The following SIM1 variants were observed in gnomAD, a reference collection of about 807,000 sequenced individuals.
SIM1 encodes single-minded homolog 1.
Under a neutral mutation model 78.2 loss-of-function variants are expected in SIM1, and 18 were observed. That is an observed-to-expected ratio of 0.23 (90% CI 0.16 to 0.34). The LOEUF is 0.34. Among genes scored for constraint, SIM1 ranks in the 10% least tolerant of loss-of-function variants. SIM1 has a pLI of 1.00. For missense variants in SIM1, 939 were observed against 975.1 expected (o/e 0.96, Z 0.49); for synonymous variants, 417 against 385.2 (o/e 1.08, Z -0.97).
intron 10 of SIM1, among the ~76,000 whole-genome samples, chr6:100,404,544 C>CTT (rs892759329): frequency 6.8e-6 from 1 of 146,462 alleles, no homozygotes. Flanking sequence ...TCACTTTTAT[C>CTT]TTTTTTTTTT....
intron 10 of SIM1, among the ~76,000 whole-genome samples, chr6:100,419,170 A>T (rs1172306788): frequency 6.6e-6 from 1 of 152,136 alleles, no homozygotes; most frequent in Non-Finnish European, 1.5e-5. Context: ...CATCTCAAAA[A>T]AGAAGAAGAA....
rs1770533638 is a variant in SIM1, at chr6:100,387,283, A to C, written c.*3078T>G. The stretch of plus-strand genomic sequence containing the variant: ...CTCAACATTTGGCAAAGTTATGGAA[A>C]TCAAGAATTAAAACTAAAGCCATAT... On this transcript the variant is annotated 3_prime_UTR_variant, in exon 12 of 12. Coordinates refer to ENST00000369208, the MANE Select transcript of SIM1 (RefSeq NM_005068.3). 6.6e-6 allele frequency: 1 copy of C among 152,224 alleles called. No individual in the cohort carries two copies. Among genetic ancestry groups the C allele is most frequent in the African/African-American group, 2.4e-5 (1 of 41,584 alleles). The allele number at this position is 152,224 out of a possible 1,614,324, so 9.4% of individuals were successfully genotyped here.
At chr6:100,425,325 T>C (rs1771698437) in intron 9 of SIM1, among the ~76,000 whole-genome samples, 1 of 152,160 alleles carries the variant, frequency 6.6e-6, no homozygotes, top group African/African-American at 2.4e-5. Context: ...ACCTAGACCA[T>C]TTAAATTTAC....
rs1562227228 is a variant in SIM1, at chr6:100,385,667, T to TGTGTG, written c.*4693_*4694insCACAC. On this transcript the variant is annotated 3_prime_UTR_variant, in exon 12 of 12. Transcript: ENST00000369208. ...CTTATGTGAACCATCATTTATTTAT[T>TGTGTG]TATGTGTGTGTGTGTGTGTGTGTGT... 1 of 64,650 alleles carries TGTGTG rather than the reference T, an allele frequency of 1.5e-5. No homozygotes were observed. The allele number at this position is 64,650 out of a possible 1,614,324, so 4.0% of individuals were successfully genotyped here.
chr6:100,449,251 T>TG, intron 6 of SIM1, 112 bp downstream of exon 6: 1 of 834,506 alleles, frequency 1.2e-6, no homozygotes, highest in Non-Finnish European at 2.0e-6. Flanking sequence ...CGACGCAAGC[T>TG]GGGGGTGCCC....
chr6:100,464,413 A>G (rs552162713), intron 1 of SIM1, among the ~76,000 whole-genome samples: 5 of 152,130 alleles, frequency 3.3e-5, no homozygotes, highest in African/African-American at 1.2e-4. Flanking sequence ...GTCTCTCGGG[A>G]CTCCCAAGGC....
At chr6:100,449,563 G>C (rs932137974) in intron 5 of SIM1, 28 bp downstream of exon 5, 1 of 1,601,120 alleles carries the variant, frequency 6.2e-7, no homozygotes, top group African/African-American at 1.3e-5. Flanking sequence ...CGATGGGCCT[G>C]AGCGTCGCAG....
intron 2 of SIM1, 70 bp from the exon 3 acceptor site, chr6:100,453,914 G>A (rs1456145391): frequency 8.4e-6 from 10 of 1,186,062 alleles, no homozygotes; most frequent in African/African-American, 3.1e-5. Context: ...ACCAAGTCCC[G>A]CGACTGTATT....
chr6:100,430,707 A>G lies in SIM1; in HGVS notation c.999-9749T>C, dbSNP rs191641697. Among the ~76,000 whole-genome samples the G allele has an allele frequency of 2.0e-3, 301 of 152,146 alleles. 3 individuals are homozygous for G. The highest frequency in any genetic ancestry group is 7.1e-3 in the African/African-American group (294 of 41,492). On this transcript the variant is annotated intron_variant, in intron 9 of 11. Transcript: ENST00000369208. ...GTATGTTCCCTTTAAAAGTCTTCCA[A>G]TACCTAAGAAAGATAAGTAATGGAG...
At chr6:100,416,924 C>T (rs1228285727) in intron 10 of SIM1, among the ~76,000 whole-genome samples, 2 of 151,580 alleles carry the variant, frequency 1.3e-5, no homozygotes. Context: ...AATAGTTTTC[C>T]TTGCTTCAAT....
At chr6:100,438,405 A>AG (rs2114527441) in intron 9 of SIM1, among the ~76,000 whole-genome samples, 1 of 152,382 alleles carries the variant, frequency 6.6e-6, no homozygotes. Context: ...CTAAAACCCC[A>AG]GTGAGGTACC....
At chr6:100,460,889 A>T (rs528677285) in intron 2 of SIM1, among the ~76,000 whole-genome samples, 37 of 152,258 alleles carry the variant, frequency 2.4e-4, no homozygotes, top group Non-Finnish European at 5.0e-4. Flanking sequence ...AAAAATTAAA[A>T]ACTCATCCCT....
At chr6:100,425,381 T>C (rs9386144) in intron 9 of SIM1, among the ~76,000 whole-genome samples, 26,633 of 152,162 alleles carry the variant, frequency 0.18, 2,932 homozygotes, top group East Asian at 0.43. Flanking sequence ...ATGGCCAGAA[T>C]ACTTTTTAAG....
chr6:100,422,328 C>T (rs552356120), intron 9 of SIM1, among the ~76,000 whole-genome samples: 15 of 151,976 alleles, frequency 9.9e-5, no homozygotes, highest in Non-Finnish European at 1.6e-4. Flanking sequence ...CTCAGCCTCC[C>T]GAGTAGCTAG....
At chr6:100,447,905 G>A (rs1213650817) in intron 8 of SIM1, among the ~76,000 whole-genome samples, 1 of 152,256 alleles carries the variant, frequency 6.6e-6, no homozygotes, top group Non-Finnish European at 1.5e-5. Context: ...CTTCGCCGGG[G>A]GCGGGGGACG....
intron 9 of SIM1, among the ~76,000 whole-genome samples, chr6:100,433,719 G>A (rs1379668747): frequency 1.4e-5 from 2 of 143,714 alleles, no homozygotes; most frequent in Admixed American, 1.5e-4. Flanking sequence ...CTGGGCAACA[G>A]ATTAAGACCC....
intron 3 of SIM1, among the ~76,000 whole-genome samples, chr6:100,453,478 C>G (rs532355246): frequency 3.9e-5 from 6 of 152,134 alleles, no homozygotes; most frequent in Non-Finnish European, 7.3e-5. Context: ...GGTGCCCCCT[C>G]CCTTGGTTAG....
At chr6:100,451,912 T>C (rs1008001137) in intron 3 of SIM1, among the ~76,000 whole-genome samples, 10 of 152,190 alleles carry the variant, frequency 6.6e-5, no homozygotes, top group African/African-American at 2.2e-4. Flanking sequence ...AACAAAAATC[T>C]GGAGCTCAGA....
Position 100,390,568 on chromosome 6 carries a change from G to C in SIM1, c.2094C>G (p.Cys698Trp). 1 of 1,614,168 alleles carries C rather than the reference G, an allele frequency of 6.2e-7. No individual in the cohort carries two copies. The highest frequency in any genetic ancestry group is 1.1e-5 in the South Asian group (1 of 91,082). ...CAAAATACTGCCGGTGAGAGCCAAA[G>C]CAGTTTGGAGAGACAGTAGGGTGGT... ...AGDHPTVSPN[C>W]FGSHRQYFDK... The change falls in exon 12 of 12, where the codon TGC becomes TGG. Residue 698 changes from cysteine to tryptophan, a missense_variant. Coordinates refer to ENST00000369208, the MANE Select transcript of SIM1 (RefSeq NM_005068.3).
Sources: allele counts gnomAD v4.1 joint callset (sites outside exome capture counted in the v4.1 genomes callset), GRCh38; gene constraint gnomAD v4.1.1; transcripts MANE v1.5; gene names NCBI Gene and HGNC (gene_info 2026-07-23, HGNC 2026-07-21).